The following RNGTT variants were observed in gnomAD, a reference collection of about 807,000 sequenced individuals.
RNGTT encodes the protein mRNA-capping enzyme.
Under a neutral mutation model 79.3 loss-of-function variants are expected in RNGTT, and 33 were observed. The ratio of observed to expected loss-of-function variants is 0.42; its 90% CI spans 0.32 to 0.56. The LOEUF (loss-of-function observed/expected upper bound fraction) is 0.56. Among genes scored for constraint, RNGTT ranks in the 20% least tolerant of loss-of-function variants. The probability of loss-of-function intolerance (pLI) is 0.17; values close to 1 mark genes in which losing one functional copy is unlikely to be tolerated. For synonymous variants in RNGTT, 222 were observed against 235.9 expected, an observed-to-expected ratio of 0.94 and a Z score of 0.54; for missense variants, 497 against 739.1, an observed-to-expected ratio of 0.67 and a Z score of 3.80.
chr6:88,779,493 T>C (rs1778991669), intron 12 of RNGTT, among the ~76,000 whole-genome samples: 1 of 152,204 alleles, frequency 6.6e-6, no homozygotes, highest in Non-Finnish European at 1.5e-5. Flanking sequence ...ATCATTCACA[T>C]TCTCTTGCCT....
chr6:88,925,026 G>GT (rs1055585682), intron 4 of RNGTT, among the ~76,000 whole-genome samples: 16 of 150,618 alleles, frequency 1.1e-4, no homozygotes, highest in South Asian at 8.4e-4. Context: ...CACCTGTTGT[G>GT]TTTTTTTTTA....
rs140258806 is a variant in RNGTT at position 88,919,144 on chromosome 6, C to G, written c.367+9841G>C. ...GATTATGTATTTGATATTAAAAAATCCATTAATTAGGTATACTACAAGCTT... is the reference window on the plus strand; with the variant it reads ...GATTATGTATTTGATATTAAAAAATGCATTAATTAGGTATACTACAAGCTT... On this transcript the variant is annotated intron_variant, in intron 4 of 15. Transcript: ENST00000369485. Among the ~76,000 whole-genome samples the G allele has an allele frequency of 5.6e-3, 845 of 152,140 alleles. 7 individuals carry two copies. The highest frequency in any genetic ancestry group is 0.018 in the African/African-American group (733 of 41,514).
chr6:88,812,772 T>C (rs1012365367), intron 11 of RNGTT, among the ~76,000 whole-genome samples: 2 of 152,258 alleles, frequency 1.3e-5, no homozygotes, highest in African/African-American at 2.4e-5. Context: ...CTCATGAATT[T>C]ATGAGTTAAT....
intron 13 of RNGTT, among the ~76,000 whole-genome samples, chr6:88,751,504 G>A (rs1017727792): frequency 6.6e-6 from 1 of 152,024 alleles, no homozygotes; most frequent in African/African-American, 2.4e-5. Flanking sequence ...AAAATACAGT[G>A]TACTGTTCAA....
At chr6:88,920,114 C>T (rs893396880) in intron 4 of RNGTT, among the ~76,000 whole-genome samples, 1 of 151,544 alleles carries the variant, frequency 6.6e-6, no homozygotes, top group African/African-American at 2.4e-5. Flanking sequence ...ATAGCCAGAC[C>T]TGGTCTCTAA....
At chr6:88,817,356 T>A (rs1341186126) in intron 11 of RNGTT, among the ~76,000 whole-genome samples, 1 of 151,946 alleles carries the variant, frequency 6.6e-6, no homozygotes, top group East Asian at 1.9e-4. Context: ...CTACCCAAAA[T>A]GTGGCCCAGG....
intron 12 of RNGTT, among the ~76,000 whole-genome samples, chr6:88,794,336 G>A (rs979071414): frequency 1.3e-5 from 2 of 152,054 alleles, no homozygotes; most frequent in Non-Finnish European, 2.9e-5. Flanking sequence ...AAAGATAACA[G>A]CATAAATTAG....
At chr6:88,878,786 C>T (rs1298585560) in intron 8 of RNGTT, among the ~76,000 whole-genome samples, 3 of 152,122 alleles carry the variant, frequency 2.0e-5, no homozygotes, top group Admixed American at 1.3e-4. Flanking sequence ...GCTAAGTGAA[C>T]AAATCTAAAT....
In RNGTT at chr6:88,691,114, G is replaced by C. The variant is rs936300532; in HGVS notation, c.1440-12695C>G. Among the ~76,000 whole-genome samples the C allele has an allele frequency of 2.6e-5, 4 of 152,252 alleles. No homozygotes were observed. In the South Asian group the frequency reaches 8.3e-4, roughly 32 times the overall value. ...ATTGTAATCCCCAATGTTGGAGGAGGGGCCTGGTGGGAGGTGACCAGCTCA... is the reference window on the plus strand; with the variant it reads ...ATTGTAATCCCCAATGTTGGAGGAGCGGCCTGGTGGGAGGTGACCAGCTCA... On this transcript the variant is annotated intron_variant, in intron 13 of 15. Coordinates refer to ENST00000369485, the MANE Select transcript of RNGTT (RefSeq NM_003800.5).
At chr6:88,900,862 C>A in intron 6 of RNGTT, among the ~76,000 whole-genome samples, 1 of 151,122 alleles carries the variant, frequency 6.6e-6, no homozygotes, top group African/African-American at 2.4e-5. Flanking sequence ...AAATTTTAGG[C>A]CAGGCACGAT....
At chr6:88,841,140 T>C in intron 11 of RNGTT, among the ~76,000 whole-genome samples, 1 of 152,178 alleles carries the variant, frequency 6.6e-6, no homozygotes, top group East Asian at 1.9e-4. Flanking sequence ...CCCAACCTAT[T>C]GGACAGGGCA....
chr6:88,863,798 G>A (rs1317142434), intron 8 of RNGTT, among the ~76,000 whole-genome samples: 1 of 152,054 alleles, frequency 6.6e-6, no homozygotes, highest in Non-Finnish European at 1.5e-5. Context: ...AAATTAATTT[G>A]CAAACTGTCA....
chr6:88,912,405 C>A (rs1783855751), intron 4 of RNGTT, among the ~76,000 whole-genome samples: 1 of 151,772 alleles, frequency 6.6e-6, no homozygotes, highest in Admixed American at 6.6e-5. Flanking sequence ...TGAGACCCTG[C>A]CACCAAAAAT....
intron 8 of RNGTT, among the ~76,000 whole-genome samples, chr6:88,877,654 T>C (rs1014309999): frequency 2.0e-5 from 3 of 152,196 alleles, no homozygotes; most frequent in African/African-American, 7.2e-5. Flanking sequence ...CTGTTTCATA[T>C]AGGGGGACTT....
Position 88,941,104 on chromosome 6 carries a change from G to A in RNGTT, c.141C>T (p.Pro47=). 1 of 1,612,878 alleles carries A rather than the reference G, an allele frequency of 6.2e-7. No homozygotes were observed. ...TCTTTAGGTAATTTGAGAGCATGCT[G>A]GGATGGAACCGATTTTCTTCAGCAA... The part of the protein sequence containing the change: ...SQVAEENRFH[P]SMLSNYLKSL... Residue 47 remains proline (P), a synonymous_variant, in exon 2 of 16, where the codon CCC becomes CCT. Coordinates refer to ENST00000369485, the MANE Select transcript of RNGTT (RefSeq NM_003800.5).
At chr6:88,639,157 G>A (rs1773215178) in intron 14 of RNGTT, among the ~76,000 whole-genome samples, 1 of 151,588 alleles carries the variant, frequency 6.6e-6, no homozygotes, top group Admixed American at 6.6e-5. Context: ...TTTAGAGGAG[G>A]TAACGTCTAT....
chr6:88,849,871 ATT>A, intron 9 of RNGTT, 45 bp from the exon 10 acceptor site: 1 of 1,475,040 alleles, frequency 6.8e-7, no homozygotes, highest in African/African-American at 1.5e-5. Context: ...TTTAATAACA[ATT>A]TTTTTTAATT....
intron 12 of RNGTT, among the ~76,000 whole-genome samples, chr6:88,791,329 G>T (rs1036428651): frequency 4.0e-5 from 6 of 151,458 alleles, no homozygotes; most frequent in African/African-American, 1.5e-4. Flanking sequence ...TATAGAGATG[G>T]GGTCTCACTG....
At position 88,843,551 on chromosome 6, in the gene RNGTT, T is replaced by C. The variant is rs1370292469; in HGVS notation, c.1269+806A>G. Among the ~76,000 whole-genome samples the C allele has an allele frequency of 1.8e-4, 22 of 120,906 alleles. 1 individual carries two copies. Among genetic ancestry groups the C allele is most frequent in the African/African-American group, 6.6e-4 (20 of 30,348 alleles). The allele number at this position is 120,906 out of a possible 152,430, so 79.3% of individuals were successfully genotyped here. On this transcript the variant is annotated intron_variant, in intron 11 of 15. Coordinates refer to ENST00000369485, the MANE Select transcript of RNGTT (RefSeq NM_003800.5). ...TCTTGGAATATTTAGTATGATTCTT[T>C]TTTTTTTTTTTTTTTTTTTTTTTTT...
Sources: allele counts gnomAD v4.1 joint callset (sites outside exome capture counted in the v4.1 genomes callset), GRCh38; gene constraint gnomAD v4.1.1; transcripts MANE v1.5; gene names NCBI Gene and HGNC (gene_info 2026-07-23, HGNC 2026-07-21).